Variants in EEFSEC observed in about 807,000 individuals in gnomAD.
The protein encoded by EEFSEC is eukaryotic elongation factor, selenocysteine-tRNA specific, also known as selenocysteine-specific elongation factor.
In EEFSEC, 43 loss-of-function variants were observed where a neutral mutation model predicts 42.1. The ratio of observed to expected loss-of-function variants is 1.02; its 90% CI spans 0.80 to 1.32. EEFSEC has a LOEUF of 1.32. Ranked by LOEUF, EEFSEC falls within the 40% of genes most tolerant of loss-of-function variation. The pLI is 0.00. For synonymous variants in EEFSEC, 354 were observed against 339.1 expected, an observed-to-expected ratio of 1.04 and a Z score of -0.48; for missense variants, 745 against 803.6, an observed-to-expected ratio of 0.93 and a Z score of 0.88.
intron 1 of EEFSEC, among the ~76,000 whole-genome samples, chr3:128,179,164 T>A (rs2065380093): frequency 6.6e-6 from 1 of 152,182 alleles, no homozygotes; most frequent in Non-Finnish European, 1.5e-5. Context: ...CTATTTCTGA[T>A]TCTGATTTTT....
chr3:128,235,396 C>T (rs2065998165), intron 1 of EEFSEC, among the ~76,000 whole-genome samples: 1 of 152,164 alleles, frequency 6.6e-6, no homozygotes, highest in African/African-American at 2.4e-5. Flanking sequence ...AAATAAATTG[C>T]TCTTGAGTCA....
chr3:128,350,350 C>T (rs1035344229), intron 5 of EEFSEC, among the ~76,000 whole-genome samples: 2 of 152,184 alleles, frequency 1.3e-5, no homozygotes, highest in Non-Finnish European at 2.9e-5. Context: ...CAGGGCCCCT[C>T]GCCCTTGCAG....
intron 1 of EEFSEC, among the ~76,000 whole-genome samples, chr3:128,172,615 C>T (rs1388167556): frequency 6.6e-6 from 1 of 152,146 alleles, no homozygotes; most frequent in Non-Finnish European, 1.5e-5. Flanking sequence ...AGTTACTGTG[C>T]CAATGATCTC....
At chr3:128,341,204 C>T (rs1354459385) in intron 4 of EEFSEC, 29 bp from the exon 5 acceptor site, 1 of 1,569,286 alleles carries the variant, frequency 6.4e-7, no homozygotes, top group Non-Finnish European at 8.6e-7. Context: ...TTGTTGGTTT[C>T]ATGTGCTCTC....
At chr3:128,255,571 C>T (rs184644076) in intron 2 of EEFSEC, among the ~76,000 whole-genome samples, 38 of 152,298 alleles carry the variant, frequency 2.5e-4, no homozygotes, top group Non-Finnish European at 1.3e-4. Context: ...GTGCACGTTC[C>T]GTGGAGACTG....
intron 2 of EEFSEC, among the ~76,000 whole-genome samples, chr3:128,247,413 C>T (rs1044317213): frequency 6.6e-6 from 1 of 152,196 alleles, no homozygotes; most frequent in African/African-American, 2.4e-5. Context: ...GTCCCGCCTA[C>T]ATATATTGGC....
At chr3:128,282,944 C>T (rs1051608641) in intron 4 of EEFSEC, among the ~76,000 whole-genome samples, 6 of 152,244 alleles carry the variant, frequency 3.9e-5, no homozygotes, top group Non-Finnish European at 8.8e-5. Context: ...GGGACTAGAG[C>T]GCTGGGCTCC....
chr3:128,202,627 C>T (rs1289515235), intron 1 of EEFSEC, among the ~76,000 whole-genome samples: 1 of 152,072 alleles, frequency 6.6e-6, no homozygotes, highest in Non-Finnish European at 1.5e-5. Flanking sequence ...CTCTTTATAC[C>T]TTTTTCTAAC....
chr3:128,391,463 A>G (rs1292712598), intron 6 of EEFSEC, among the ~76,000 whole-genome samples: 1 of 152,170 alleles, frequency 6.6e-6, no homozygotes. Flanking sequence ...GGGGAAGCCC[A>G]TCTGGGGAAG....
At chr3:128,342,642 G>T (rs138856277) in intron 5 of EEFSEC, among the ~76,000 whole-genome samples, 305 of 152,284 alleles carry the variant, frequency 2.0e-3, no homozygotes, top group African/African-American at 7.0e-3. Context: ...CTTGCTGGGC[G>T]GCCCTTGGCC....
Position 128,320,645 on chromosome 3 carries a change from C to T in EEFSEC, c.787-20588C>T, listed in dbSNP as rs2108037262. ...TGCCATCAATTGCTCATTTACTGAA[C>T]TGTTGTTAGCACTGGCAGCGTACCA... On this transcript the variant is annotated intron_variant, in intron 4 of 6. Transcript: ENST00000254730. 2.6e-5 allele frequency among the ~76,000 whole-genome samples: 4 copies of T among 152,338 alleles called. No homozygotes were observed. In the Middle Eastern group the frequency reaches 0.014, roughly 518 times the overall value.
rs1576596793 is a variant in EEFSEC, at chr3:128,272,331, C to G, written c.786+7550C>G. Among the ~76,000 whole-genome samples the G allele has an allele frequency of 3.3e-5, 5 of 152,342 alleles. 1 individual carries two copies. The Middle Eastern group carries it at 0.01, about 311-fold the overall frequency. On this transcript the variant is annotated intron_variant, in intron 4 of 6. Coordinates refer to ENST00000254730, the MANE Select transcript of EEFSEC (RefSeq NM_021937.5). ...CTCTGGCCAATGATATGTGAAGGGA[C>G]ATGTCCTAGGGGTTTGGGGAAAAGC...
chr3:128,391,785 C>G (rs1212934419), intron 6 of EEFSEC, among the ~76,000 whole-genome samples: 1 of 152,242 alleles, frequency 6.6e-6, no homozygotes, highest in African/African-American at 2.4e-5. Context: ...CTCAGGCAGT[C>G]CTCAGAGTCT....
intron 1 of EEFSEC, among the ~76,000 whole-genome samples, chr3:128,169,574 C>T (rs1279218452): frequency 6.6e-6 from 1 of 152,134 alleles, no homozygotes; most frequent in Non-Finnish European, 1.5e-5. Flanking sequence ...GTACTGTAAC[C>T]CCTTATTTCC....
chr3:128,232,031 A>G (rs1250049496), intron 1 of EEFSEC, among the ~76,000 whole-genome samples: 1 of 152,078 alleles, frequency 6.6e-6, no homozygotes, highest in Non-Finnish European at 1.5e-5. Context: ...TCTTGTATCC[A>G]TATTTGGTGA....
intron 4 of EEFSEC, among the ~76,000 whole-genome samples, chr3:128,280,551 G>A (rs1449922168): frequency 6.6e-6 from 1 of 152,166 alleles, no homozygotes; most frequent in Non-Finnish European, 1.5e-5. Context: ...AAGCTGGAAT[G>A]GGCCCCTCCT....
rs554864580 is a variant in EEFSEC, at chr3:128,236,959, T to C, written c.317-9877T>C. 1.4e-4 allele frequency among the ~76,000 whole-genome samples: 22 copies of C among 152,388 alleles called. No homozygotes were observed. The South Asian group carries it at 4.6e-3, about 32-fold the overall frequency. On this transcript the variant is annotated intron_variant, in intron 1 of 6. Transcript: ENST00000254730. The stretch of plus-strand genomic sequence containing the variant: ...CCCTACTGGACTGTGAGTTCTCGAT[T>C]GCAAGGGGTAGGGACTGTTGTCTGT...
chr3:128,282,524 T>C (rs7374952), intron 4 of EEFSEC, among the ~76,000 whole-genome samples: 127,605 of 152,278 alleles, frequency 0.84, 53,966 homozygotes, highest in East Asian at 1. Context: ...TGACACGCAC[T>C]GGAGCTGCTT....
At chr3:128,286,716 G>A (rs2066590278) in intron 4 of EEFSEC, among the ~76,000 whole-genome samples, 1 of 152,202 alleles carries the variant, frequency 6.6e-6, no homozygotes. Flanking sequence ...ATAGGAGAAT[G>A]GTATTAGAGA....
Sources: allele counts gnomAD v4.1 joint callset (sites outside exome capture counted in the v4.1 genomes callset), GRCh38; gene constraint gnomAD v4.1.1; transcripts MANE v1.5; gene names NCBI Gene and HGNC (gene_info 2026-07-23, HGNC 2026-07-21).